The following IL1RAPL1 variants were observed in gnomAD, a reference collection of about 807,000 sequenced individuals.
IL1RAPL1 encodes the protein interleukin 1 receptor accessory protein like 1, also known as interleukin-1 receptor accessory protein-like 1.
Under a neutral mutation model 48.4 loss-of-function variants are expected in IL1RAPL1, and 3 were observed. That is an observed-to-expected ratio of 0.06 (90% CI 0.03 to 0.16). The LOEUF (loss-of-function observed/expected upper bound fraction) is 0.16. Among genes scored for constraint, IL1RAPL1 ranks in the 10% least tolerant of loss-of-function variants. IL1RAPL1 has a pLI of 1.00. For missense variants in IL1RAPL1, 349 were observed against 530.6 expected (o/e 0.66, Z 3.36); for synonymous variants, 185 against 187.7 (o/e 0.99, Z 0.12).
At chrX:29,150,847 G>A (rs183798979) in intron 2 of IL1RAPL1, among the ~76,000 whole-genome samples, 2 of 106,922 alleles carry the variant, frequency 1.9e-5, no homozygotes, top group East Asian at 2.9e-4. Context: ...GCTTGAAACC[G>A]GGAGGCGGAG....
chrX:29,119,275 C>T (rs908777897), intron 2 of IL1RAPL1, among the ~76,000 whole-genome samples: 1 of 110,988 alleles, frequency 9.0e-6, no homozygotes, highest in Non-Finnish European at 1.9e-5. Flanking sequence ...CTATAATTCT[C>T]CAAAAGTGGG....
chrX:28,630,189 T>G (rs1164421462), intron 1 of IL1RAPL1, among the ~76,000 whole-genome samples: 9 of 111,716 alleles, frequency 8.1e-5, no homozygotes, highest in South Asian at 3.7e-4. Context: ...ACTTTTTTTT[T>G]GTTTGTTTCA....
At chrX:29,050,591 T>C (rs1235005363) in intron 2 of IL1RAPL1, among the ~76,000 whole-genome samples, 2 of 112,674 alleles carry the variant, frequency 1.8e-5, no homozygotes, top group Non-Finnish European at 3.7e-5. Context: ...CATATGGCAA[T>C]GCTTAGCACA....
At chrX:29,240,869 A>G (rs1275301412) in intron 2 of IL1RAPL1, among the ~76,000 whole-genome samples, 2 of 112,417 alleles carry the variant, frequency 1.8e-5, no homozygotes, top group Admixed American at 9.4e-5. Flanking sequence ...TAAAAAGAGT[A>G]AAGGCAAAAA....
intron 2 of IL1RAPL1, among the ~76,000 whole-genome samples, chrX:28,878,270 G>T (rs2147312551): frequency 8.9e-6 from 1 of 112,028 alleles, no homozygotes; most frequent in East Asian, 2.8e-4. Flanking sequence ...ACACAGAGAA[G>T]CCAAATATGT....
At chrX:28,971,236 T>TCC (rs1230711168) in intron 2 of IL1RAPL1, among the ~76,000 whole-genome samples, 1 of 112,072 alleles carries the variant, frequency 8.9e-6, no homozygotes, top group East Asian at 2.8e-4. Context: ...AAGATGTTTT[T>TCC]CCCCTACCCC....
At chrX:29,456,965 T>G (rs1403634707) in intron 5 of IL1RAPL1, among the ~76,000 whole-genome samples, 1 of 109,381 alleles carries the variant, frequency 9.1e-6, no homozygotes, top group Non-Finnish European at 1.9e-5. Flanking sequence ...GGAGCTTGTC[T>G]CTACAAAAAG....
intron 2 of IL1RAPL1, among the ~76,000 whole-genome samples, chrX:29,188,864 T>A (rs758841628): frequency 9.0e-6 from 1 of 111,426 alleles, no homozygotes; most frequent in Non-Finnish European, 1.9e-5. Context: ...ATTACAGGTG[T>A]GAGCCACCAC....
intron 5 of IL1RAPL1, among the ~76,000 whole-genome samples, chrX:29,642,341 T>G (rs779684708): frequency 8.9e-6 from 1 of 112,316 alleles, no homozygotes; most frequent in Admixed American, 9.5e-5. Context: ...TTTTGTTCTG[T>G]TTTCCATGAG....
intron 2 of IL1RAPL1, among the ~76,000 whole-genome samples, chrX:29,166,574 A>G (rs995354529): frequency 3.6e-5 from 4 of 111,519 alleles, no homozygotes; most frequent in Non-Finnish European, 7.5e-5. Context: ...CCTATTTTTT[A>G]ATGTGTAAAA....
intron 1 of IL1RAPL1, among the ~76,000 whole-genome samples, chrX:28,764,818 A>ACACAC (rs1555921193): frequency 1.0e-4 from 11 of 107,246 alleles, no homozygotes; most frequent in African/African-American, 1.4e-4. Flanking sequence ...CATGCACGCA[A>ACACAC]ACACACACAC....
intron 3 of IL1RAPL1, among the ~76,000 whole-genome samples, chrX:29,367,733 A>G (rs1477562255): frequency 9.2e-6 from 1 of 108,588 alleles, no homozygotes; most frequent in Non-Finnish European, 1.9e-5. Flanking sequence ...GGCGCACGCC[A>G]CCACGCCAGG....
intron 2 of IL1RAPL1, among the ~76,000 whole-genome samples, chrX:29,207,981 A>T (rs1391533439): frequency 9.0e-6 from 1 of 111,459 alleles, no homozygotes; most frequent in African/African-American, 3.3e-5. Flanking sequence ...TTGAAATCAC[A>T]TTTGTTCCCT....
chrX:29,461,454 A>T (rs1301280664), intron 5 of IL1RAPL1, among the ~76,000 whole-genome samples: 1 of 111,822 alleles, frequency 8.9e-6, no homozygotes, highest in Non-Finnish European at 1.9e-5. Context: ...AACTATACAA[A>T]AATGTACTGT....
At chrX:29,339,241 C>G (rs766131024) in intron 3 of IL1RAPL1, among the ~76,000 whole-genome samples, 11 of 111,972 alleles carry the variant, frequency 9.8e-5, no homozygotes, top group Non-Finnish European at 1.9e-4. Flanking sequence ...CACTCCTGTA[C>G]ATTTTGGCTA....
chrX:29,215,161 A>C (rs1198913075), intron 2 of IL1RAPL1, among the ~76,000 whole-genome samples: 1 of 110,821 alleles, frequency 9.0e-6, no homozygotes, highest in Non-Finnish European at 1.9e-5. Context: ...CAGCCTGGCC[A>C]ACATGGCGAA....
intron 2 of IL1RAPL1, among the ~76,000 whole-genome samples, chrX:29,044,057 T>G (rs1926901155): frequency 8.9e-6 from 1 of 112,283 alleles, no homozygotes; most frequent in African/African-American, 3.2e-5. Flanking sequence ...CAAAGGATTT[T>G]TATTACAATA....
intron 2 of IL1RAPL1, among the ~76,000 whole-genome samples, chrX:28,814,704 T>C (rs1177577696): frequency 9.0e-6 from 1 of 110,694 alleles, no homozygotes; most frequent in Non-Finnish European, 1.9e-5. Context: ...GTTGGGTTAA[T>C]ATGTACATGT....
chrX:29,300,284 G>T (rs1334811232), intron 3 of IL1RAPL1, among the ~76,000 whole-genome samples: 1 of 111,507 alleles, frequency 9.0e-6, no homozygotes, highest in Non-Finnish European at 1.9e-5. Context: ...TAGTCTCTTG[G>T]TGGTGGACAT....
Sources: gnomAD v4.1 joint callset for allele counts (sites outside exome capture counted in the v4.1 genomes callset) on GRCh38, gnomAD v4.1.1 for gene constraint, MANE v1.5 for transcripts, NCBI Gene and HGNC (gene_info 2026-07-23, HGNC 2026-07-21) for gene names.